The following APBB2 variants were observed in gnomAD, a reference collection of about 807,000 sequenced individuals.
The protein encoded by APBB2 is Fe65-like 1.
In APBB2, 38 loss-of-function variants were observed where a neutral mutation model predicts 82.5. The ratio of observed to expected loss-of-function variants is 0.46; its 90% CI spans 0.36 to 0.60. The LOEUF (loss-of-function observed/expected upper bound fraction) is 0.60, where lower values mean the gene tolerates loss of function less well. APBB2 is among the 20% of genes least tolerant of loss of function. The pLI, the probability that APBB2 is intolerant of heterozygous loss-of-function variation, is 0.00. For synonymous variants in APBB2, 341 were observed against 368.2 expected (o/e 0.93, Z 0.85); for missense variants, 772 against 972.3 (o/e 0.79, Z 2.74).
chr4:40,823,972 C>T (rs974153996), intron 15 of APBB2, among the ~76,000 whole-genome samples: 2 of 151,980 alleles, frequency 1.3e-5, no homozygotes, highest in Admixed American at 1.3e-4. Flanking sequence ...GGAGGCTGAG[C>T]CAGGATCATT....
At chr4:40,933,975 C>T (rs1020209922) in intron 10 of APBB2, among the ~76,000 whole-genome samples, 1 of 152,166 alleles carries the variant, frequency 6.6e-6, no homozygotes, top group East Asian at 1.9e-4. Context: ...ACAAGTTTGC[C>T]CCAACTGCCC....
chr4:41,057,962 G>A (rs1182338879), intron 4 of APBB2, among the ~76,000 whole-genome samples: 1 of 152,076 alleles, frequency 6.6e-6, no homozygotes, highest in Non-Finnish European at 1.5e-5. Context: ...TCACACACAT[G>A]GGACCCTTTC....
At chr4:41,148,242 A>G (rs1761326701) in intron 1 of APBB2, among the ~76,000 whole-genome samples, 1 of 152,216 alleles carries the variant, frequency 6.6e-6, no homozygotes, top group Non-Finnish European at 1.5e-5. Context: ...GGGAAGGCGA[A>G]TATTAATTAA....
chr4:41,163,340 T>C (rs1360692472), intron 1 of APBB2, among the ~76,000 whole-genome samples: 1 of 152,076 alleles, frequency 6.6e-6, no homozygotes, highest in East Asian at 1.9e-4. Context: ...CATTAGTGAG[T>C]GTATTAGAAG....
chr4:40,998,431 C>T (rs975848028), intron 6 of APBB2, among the ~76,000 whole-genome samples: 1 of 152,086 alleles, frequency 6.6e-6, no homozygotes, highest in African/African-American at 2.4e-5. Flanking sequence ...ATTTCAGATT[C>T]CACATTAAAA....
Position 40,997,946 on chromosome 4 carries a change from G to C in APBB2, c.835+15637C>G, listed in dbSNP as rs554833330. Among the ~76,000 whole-genome samples, 9 of 152,300 alleles carry C rather than the reference G, an allele frequency of 5.9e-5. No individual in the cohort carries two copies. The South Asian group carries it at 8.3e-4, about 14-fold the overall frequency. On this transcript the variant is annotated intron_variant, in intron 6 of 17. Transcript: ENST00000508593. The stretch of plus-strand genomic sequence containing the variant: ...AAGGAAAAGTACACGTGATTGAGTT[G>C]CAAGTTGAACTAGCTGCTTCTCCAC...
chr4:41,093,841 C>G (rs985977181), intron 3 of APBB2, among the ~76,000 whole-genome samples: 19 of 147,502 alleles, frequency 1.3e-4, no homozygotes, highest in African/African-American at 4.8e-4. Flanking sequence ...GCAACAAGAG[C>G]GAAACTTCAT....
At chr4:41,036,892 TA>T (rs1334395111) in intron 4 of APBB2, among the ~76,000 whole-genome samples, 26 of 152,294 alleles carry the variant, frequency 1.7e-4, no homozygotes, top group Non-Finnish European at 2.9e-5. Flanking sequence ...GGGCATGGAC[TA>T]ATTCTACATA....
intron 10 of APBB2, among the ~76,000 whole-genome samples, chr4:40,907,636 G>A (rs1777375558): frequency 1.4e-5 from 2 of 147,526 alleles, no homozygotes; most frequent in South Asian, 4.4e-4. Context: ...CTCCCAAAAT[G>A]ATGGGATTAC....
chr4:41,165,479 TTC>T (rs1327918038), intron 1 of APBB2, among the ~76,000 whole-genome samples: 7 of 152,130 alleles, frequency 4.6e-5, no homozygotes, highest in African/African-American at 7.2e-5. Context: ...AATCGGTTTT[TTC>T]TCTCTCTCTT....
chr4:40,834,027 G>A (rs1752978840), intron 12 of APBB2, among the ~76,000 whole-genome samples: 1 of 152,130 alleles, frequency 6.6e-6, no homozygotes, highest in African/African-American at 2.4e-5. Context: ...CAAGGTGACT[G>A]ATGCCTTAAG....
chr4:40,844,644 A>G (rs1756986060), intron 12 of APBB2, among the ~76,000 whole-genome samples: 1 of 152,134 alleles, frequency 6.6e-6, no homozygotes, highest in Admixed American at 6.5e-5. Flanking sequence ...TCCACCTATC[A>G]AAGCCAGGCT....
chr4:41,043,902 T>A (rs1171586850), intron 4 of APBB2, among the ~76,000 whole-genome samples: 1 of 152,196 alleles, frequency 6.6e-6, no homozygotes, highest in Non-Finnish European at 1.5e-5. Context: ...TGAATTTTGG[T>A]GGTGCATGTT....
At chr4:41,194,134 G>A in intron 1 of APBB2, 22 of 150,002 alleles carry the variant, frequency 1.5e-4, no homozygotes, top group South Asian at 4.3e-4. Context: ...GCAACACAGT[G>A]AGACTGCATC....
At chr4:40,961,652 G>GA (rs201763207) in intron 6 of APBB2, among the ~76,000 whole-genome samples, 16,525 of 42,494 alleles carry the variant, frequency 0.39, 1,593 homozygotes, top group Non-Finnish European at 0.44. Context: ...AATAATGAAA[G>GA]AAAAAAAAAA....
intron 6 of APBB2, among the ~76,000 whole-genome samples, chr4:41,009,062 C>T (rs575354667): frequency 1.4e-4 from 21 of 152,150 alleles, no homozygotes; most frequent in Non-Finnish European, 2.6e-4. Context: ...CCACTGAAAC[C>T]TGTACCCAGG....
At chr4:40,880,786 G>A (rs966559874) in intron 12 of APBB2, 115 of 985,224 alleles carry the variant, frequency 1.2e-4, no homozygotes, top group Non-Finnish European at 1.3e-4. Context: ...GCTCTCTCTT[G>A]ACACAACAGC....
chr4:40,842,648 T>G, intron 12 of APBB2: 1 of 203,206 alleles, frequency 4.9e-6, no homozygotes, highest in Non-Finnish European at 1.1e-5. Flanking sequence ...GTAATCAAGC[T>G]TAAAATATCA....
intron 12 of APBB2, among the ~76,000 whole-genome samples, chr4:40,865,339 G>C (rs1763797611): frequency 6.6e-6 from 1 of 152,184 alleles, no homozygotes. Context: ...TCACATTTGT[G>C]TTTCTGCATC....
Sources: allele counts gnomAD v4.1 joint callset (sites outside exome capture counted in the v4.1 genomes callset), GRCh38; gene constraint gnomAD v4.1.1; transcripts MANE v1.5; gene names NCBI Gene and HGNC (gene_info 2026-07-23, HGNC 2026-07-21).